The following AFF2 variants were observed in gnomAD, a reference collection of about 807,000 sequenced individuals.
The protein encoded by AFF2 is ALF transcription elongation factor 2, also known as AF4/FMR2 family member 2.
Under a neutral mutation model 76.9 loss-of-function variants are expected in AFF2, and 14 were observed. The observed-to-expected ratio is 0.18, with a 90% confidence interval of 0.12 to 0.28. The LOEUF is 0.28. AFF2 is among the 10% of genes least tolerant of loss of function. The pLI is 1.00. For missense variants in AFF2, 868 were observed against 1,001.1 expected (o/e 0.87, Z 1.79); for synonymous variants, 398 against 366.7 (o/e 1.09, Z -0.98).
rs797045220 is a variant in AFF2 at position 148,966,957 on chromosome X, C to T, written c.3081C>T (p.Thr1027=). 8.3e-7 allele frequency: 1 copy of T among 1,211,773 alleles called. No homozygotes were observed. Among genetic ancestry groups the T allele is most frequent in the Non-Finnish European group, 1.1e-6 (1 of 895,556 alleles). The part of the protein sequence containing the change: ...TTTTTTISTI[T]STITTGLMDS... ...CTACCACTACCATTTCCACCATCAC[C>T]TCTACCATCACTACTGGCCTCATGG... Residue 1027 remains threonine (T), a synonymous_variant, in exon 14 of 21, where the codon ACC becomes ACT. Coordinates refer to ENST00000370460, the MANE Select transcript of AFF2 (RefSeq NM_002025.4).
At chrX:148,901,434 C>A (rs1187194401) in intron 8 of AFF2, among the ~76,000 whole-genome samples, 1 of 112,148 alleles carries the variant, frequency 8.9e-6, no homozygotes, top group Non-Finnish European at 1.9e-5. Context: ...GTTAACTCTC[C>A]AGCCTCCATT....
chrX:148,507,766 T>C (rs2052436392), intron 1 of AFF2, among the ~76,000 whole-genome samples: 1 of 112,237 alleles, frequency 8.9e-6, no homozygotes, highest in South Asian at 3.7e-4. Context: ...GAATTTATTT[T>C]GAAGTAAATC....
At chrX:148,560,047 CAT>C (rs1389309888) in intron 1 of AFF2, among the ~76,000 whole-genome samples, 3 of 111,630 alleles carry the variant, frequency 2.7e-5, no homozygotes, top group African/African-American at 9.8e-5. Flanking sequence ...GCTTTTTTTT[CAT>C]ATGTTTGTTG....
chrX:148,753,646 A>G lies in AFF2; in HGVS notation c.1042-56230A>G, dbSNP rs145613560. On this transcript the variant is annotated intron_variant, in intron 3 of 20. Coordinates refer to ENST00000370460, the MANE Select transcript of AFF2 (RefSeq NM_002025.4). The stretch of plus-strand genomic sequence containing the variant: ...GGAAGACAGTGATGTCTCTGTTTTA[A>G]TCTCCTGTAGCTATGATGTGTATCC... Among the ~76,000 whole-genome samples the G allele has an allele frequency of 1.5e-3, 168 of 112,071 alleles. 4 individuals are homozygous for G. The East Asian group carries it at 0.028, about 18-fold the overall frequency.
chrX:148,966,300 T>C (rs1761926873), intron 13 of AFF2, among the ~76,000 whole-genome samples: 1 of 111,478 alleles, frequency 9.0e-6, no homozygotes, highest in Non-Finnish European at 1.9e-5. Flanking sequence ...TATCTGGTAT[T>C]TTGCAGAGTG....
chrX:148,952,049 T>C (rs1358974674), intron 9 of AFF2, among the ~76,000 whole-genome samples: 1 of 111,993 alleles, frequency 8.9e-6, no homozygotes, highest in Non-Finnish European at 1.9e-5. Context: ...GGATAGGCCC[T>C]CTGCACTGAG....
chrX:148,996,557 A>G lies in AFF2; in HGVS notation c.*5225A>G, dbSNP rs2072602194. On this transcript the variant is annotated 3_prime_UTR_variant, in exon 21 of 21. Transcript: ENST00000370460. ...AATATATGTGTTCATGTGGACACACACAGACACACACACACAAACTCACCC... is the reference window on the plus strand; with the variant it reads ...AATATATGTGTTCATGTGGACACACGCAGACACACACACACAAACTCACCC... 1 of 112,682 alleles carries G rather than the reference A, an allele frequency of 8.9e-6. No individual in the cohort carries two copies. The allele number at this position is 112,682 out of a possible 1,213,427, so 9.3% of individuals were successfully genotyped here.
At chrX:148,760,556 G>T (rs1603295728) in intron 3 of AFF2, among the ~76,000 whole-genome samples, 1 of 112,251 alleles carries the variant, frequency 8.9e-6, no homozygotes, top group Non-Finnish European at 1.9e-5. Context: ...TTTAAGAATT[G>T]TAGTGCCAAT....
At chrX:148,825,813 A>T (rs1357841685) in intron 4 of AFF2, among the ~76,000 whole-genome samples, 1 of 105,388 alleles carries the variant, frequency 9.5e-6, no homozygotes, top group African/African-American at 3.5e-5. Flanking sequence ...AGGAGAGACT[A>T]GATGAGCAGG....
chrX:148,819,405 C>G (rs782162642), intron 4 of AFF2, among the ~76,000 whole-genome samples: 17 of 111,358 alleles, frequency 1.5e-4, no homozygotes, highest in Non-Finnish European at 3.2e-4. Context: ...CTTACACCAG[C>G]CAAGTATGAA....
intron 1 of AFF2, among the ~76,000 whole-genome samples, chrX:148,515,566 T>C (rs782200682): frequency 8.9e-6 from 1 of 112,062 alleles, no homozygotes; most frequent in South Asian, 3.7e-4. Flanking sequence ...ACATTTTTTT[T>C]CATAATGATA....
Position 148,953,733 on chromosome X carries a change from T to C in AFF2, c.1551T>C (p.Thr517=). The C allele has an allele frequency of 8.3e-7, 1 of 1,205,572 alleles. No individual in the cohort carries two copies. The highest frequency in any genetic ancestry group is 1.1e-6 in the Non-Finnish European group (1 of 892,605). The change falls in exon 10 of 21, where the codon ACT becomes ACC. Residue 517 remains threonine (T), a synonymous_variant. Transcript: ENST00000370460. ...SESNEAPRVA[T]PEPEPPSTNK... ...CTAATGAGGCACCTCGTGTGGCAAC[T>C]CCAGAGGTGAGTGAAGGTGCCAGGG... is the stretch of plus-strand genomic sequence containing the variant.
intron 3 of AFF2, among the ~76,000 whole-genome samples, chrX:148,708,214 A>T (rs888296281): frequency 8.9e-6 from 1 of 111,828 alleles, no homozygotes; most frequent in East Asian, 2.8e-4. Context: ...AAATGTGCAC[A>T]TATTAGAGTC....
chrX:148,905,395 G>C (rs1433708492), intron 9 of AFF2, among the ~76,000 whole-genome samples: 1 of 112,002 alleles, frequency 8.9e-6, no homozygotes, highest in African/African-American at 3.3e-5. Flanking sequence ...CTGAGGTTTT[G>C]TCAGGTCGTG....
intron 3 of AFF2, among the ~76,000 whole-genome samples, chrX:148,720,829 G>A (rs1368711408): frequency 3.6e-5 from 4 of 112,013 alleles, no homozygotes; most frequent in African/African-American, 1.3e-4. Flanking sequence ...AGTCCTAGGA[G>A]TTGCATTTTT....
At chrX:148,841,389 T>C (rs2070597832) in intron 5 of AFF2, among the ~76,000 whole-genome samples, 1 of 112,205 alleles carries the variant, frequency 8.9e-6, no homozygotes, top group Admixed American at 9.5e-5. Context: ...GTTATTATTC[T>C]ATAGGAATCA....
intron 1 of AFF2, among the ~76,000 whole-genome samples, chrX:148,594,589 G>T (rs2053554340): frequency 9.0e-6 from 1 of 111,402 alleles, no homozygotes; most frequent in African/African-American, 3.3e-5. Flanking sequence ...AAGCTGGAAA[G>T]CATTTGAGCA....
At chrX:148,960,220 T>C (rs2072092690) in intron 12 of AFF2, among the ~76,000 whole-genome samples, 3 of 112,270 alleles carry the variant, frequency 2.7e-5, no homozygotes, top group Admixed American at 1.9e-4. Context: ...ACACAAACAA[T>C]AGTGGCTGAG....
At chrX:148,726,368 C>A (rs1054801297) in intron 3 of AFF2, among the ~76,000 whole-genome samples, 4 of 111,937 alleles carry the variant, frequency 3.6e-5, no homozygotes, top group Non-Finnish European at 7.5e-5. Flanking sequence ...ATTTAGGGCC[C>A]CAGGTGGGCA....
Sources: gnomAD v4.1 joint callset for allele counts (sites outside exome capture counted in the v4.1 genomes callset) on GRCh38, gnomAD v4.1.1 for gene constraint, MANE v1.5 for transcripts, NCBI Gene and HGNC (gene_info 2026-07-23, HGNC 2026-07-21) for gene names.